PRELID2: variants seen among roughly 807,000 people sequenced by gnomAD.
PRELID2 encodes PRELI domain containing 2.
A neutral mutation model predicts 28.4 loss-of-function variants in PRELID2; 25 were observed. That is an observed-to-expected ratio of 0.88 (90% confidence interval 0.64 to 1.23). PRELID2 has a LOEUF of 1.23. PRELID2 is among the 50% of genes most tolerant of loss of function. The pLI, the probability that PRELID2 is intolerant of heterozygous loss-of-function variation, is 0.00. For synonymous variants in PRELID2, 76 were observed against 71.6 expected (o/e 1.06, Z -0.31); for missense variants, 201 against 214.4 (o/e 0.94, Z 0.39).
chr5:145,364,178 C>A, the PRELID2 span, among the ~76,000 whole-genome samples: 277 of 152,008 alleles, frequency 1.8e-3, 7 homozygotes, highest in East Asian at 0.043. Context: ...GAAAGAAAAG[C>A]TATTTGGCTT....
At chr5:145,244,897 A>G in the PRELID2 span, among the ~76,000 whole-genome samples, 1 of 152,232 alleles carries the variant, frequency 6.6e-6, no homozygotes, top group Non-Finnish European at 1.5e-5. Flanking sequence ...AGTCTTCCTC[A>G]GGATTTACTC....
At chr5:145,414,990 T>C in the PRELID2 span, among the ~76,000 whole-genome samples, 1 of 152,314 alleles carries the variant, frequency 6.6e-6, no homozygotes, top group East Asian at 1.9e-4. Context: ...CTGGATCAAG[T>C]GGCTCTGATA....
intron 1 of PRELID2, chr5:145,728,630 A>G: frequency 3.3e-6 from 4 of 1,213,122 alleles, no homozygotes; most frequent in East Asian, 2.3e-5. Context: ...TATAGACTCC[A>G]TAACGAACAT....
At chr5:145,608,306 C>A (rs1753539152) in intron 1 of PRELID2, among the ~76,000 whole-genome samples, 1 of 152,148 alleles carries the variant, frequency 6.6e-6, no homozygotes, top group Non-Finnish European at 1.5e-5. Context: ...GGTTATTATG[C>A]AGACTTGATT....
chr5:145,502,630 T>C (rs1231041485), intron 1 of PRELID2, among the ~76,000 whole-genome samples: 3 of 152,174 alleles, frequency 2.0e-5, no homozygotes, highest in East Asian at 1.9e-4. Flanking sequence ...AATGTTGAGA[T>C]CTTTGAGGGC....
chr5:145,350,276 G>GC, the PRELID2 span, among the ~76,000 whole-genome samples: 1 of 152,104 alleles, frequency 6.6e-6, no homozygotes, highest in Non-Finnish European at 1.5e-5. Context: ...CATAAATGAG[G>GC]CATAGACTAT....
the PRELID2 span, among the ~76,000 whole-genome samples, chr5:145,253,275 G>A: frequency 2.0e-5 from 3 of 152,096 alleles, no homozygotes; most frequent in Non-Finnish European, 4.4e-5. Flanking sequence ...TTACTTAAAA[G>A]GTGCTACCAT....
At chr5:145,447,224 T>G in the PRELID2 span, among the ~76,000 whole-genome samples, 1 of 151,834 alleles carries the variant, frequency 6.6e-6, no homozygotes, top group Non-Finnish European at 1.5e-5. Flanking sequence ...CAGTACCGCA[T>G]GAGGTTGAAA....
At chr5:145,348,610 T>C in the PRELID2 span, among the ~76,000 whole-genome samples, 4 of 152,140 alleles carry the variant, frequency 2.6e-5, no homozygotes, top group East Asian at 7.7e-4. Context: ...TTTTTCCTTT[T>C]TTAGGATTTT....
chr5:145,715,283 C>T (rs1755811052), intron 1 of PRELID2, among the ~76,000 whole-genome samples: 3 of 152,070 alleles, frequency 2.0e-5, no homozygotes, highest in African/African-American at 7.2e-5. Flanking sequence ...CCTTTATTTC[C>T]TTATCCCCCA....
chr5:145,616,992 C>A (rs577195473), intron 1 of PRELID2, among the ~76,000 whole-genome samples: 1 of 152,146 alleles, frequency 6.6e-6, no homozygotes, highest in Admixed American at 6.5e-5. Flanking sequence ...CAGGGATGTT[C>A]CTTGCTGAGA....
intron 1 of PRELID2, among the ~76,000 whole-genome samples, chr5:145,676,240 A>AAAAC (rs1554082907): frequency 6.8e-6 from 1 of 147,782 alleles, no homozygotes; most frequent in African/African-American, 2.6e-5. Context: ...AAAAAAAAAA[A>AAAAC]AATAATGTGT....
the PRELID2 span, among the ~76,000 whole-genome samples, chr5:145,266,910 CTAAGT>C: frequency 6.6e-6 from 1 of 152,042 alleles, no homozygotes; most frequent in East Asian, 1.9e-4. Flanking sequence ...GGCCATTATT[CTAAGT>C]TAAGTAACTC....
intron 1 of PRELID2, among the ~76,000 whole-genome samples, chr5:145,828,207 T>C (rs1755331531): frequency 1.3e-5 from 2 of 152,278 alleles, no homozygotes; most frequent in African/African-American, 4.8e-5. Context: ...TGAGAATAAA[T>C]ACTTACCTCA....
At chr5:145,229,605 T>C in the PRELID2 span, 2 of 1,189,780 alleles carry the variant, frequency 1.7e-6, no homozygotes, top group South Asian at 1.2e-5. Flanking sequence ...AAGCACGGTG[T>C]GGGCTTATTG....
chr5:145,320,519 T>A, the PRELID2 span, among the ~76,000 whole-genome samples: 1,821 of 152,242 alleles, frequency 0.012, 37 homozygotes, highest in African/African-American at 0.042. Flanking sequence ...AAGCTAAGTG[T>A]TGAACAATGA....
At chr5:145,459,915 T>C in the PRELID2 span, among the ~76,000 whole-genome samples, 1 of 151,714 alleles carries the variant, frequency 6.6e-6, no homozygotes, top group Non-Finnish European at 1.5e-5. Context: ...GTTCAAGCAA[T>C]TCTCCTGCCT....
chr5:145,530,913 G>A (rs1259830029), intron 1 of PRELID2, among the ~76,000 whole-genome samples: 1 of 152,110 alleles, frequency 6.6e-6, no homozygotes, highest in Non-Finnish European at 1.5e-5. Flanking sequence ...AAAATGGGAA[G>A]AGGAGAGAGC....
intron 1 of PRELID2, among the ~76,000 whole-genome samples, chr5:145,741,403 C>T (rs1446444814): frequency 4.8e-5 from 5 of 103,816 alleles, no homozygotes; most frequent in African/African-American, 1.3e-4. Context: ...TATATATAAA[C>T]AAAATTTATT....
Sources: allele counts gnomAD v4.1 joint callset (sites outside exome capture counted in the v4.1 genomes callset), GRCh38; gene constraint gnomAD v4.1.1; transcripts MANE v1.5; gene names NCBI Gene and HGNC (gene_info 2026-07-23, HGNC 2026-07-21).